The following ELMO2 variants were observed in gnomAD, a reference collection of about 807,000 sequenced individuals.
The protein encoded by ELMO2 is engulfment and cell motility protein 2.
Under a neutral mutation model 96.2 loss-of-function variants are expected in ELMO2, and 37 were observed. The observed-to-expected ratio is 0.38, with a 90% confidence interval of 0.30 to 0.51. The LOEUF is 0.51. Among genes scored for constraint, ELMO2 ranks in the 20% least tolerant of loss-of-function variants. The pLI is 0.88. For missense variants in ELMO2, 561 were observed against 912.6 expected, an observed-to-expected ratio of 0.61 and a Z score of 4.96; for synonymous variants, 315 against 329.4, an observed-to-expected ratio of 0.96 and a Z score of 0.47.
Position 46,381,088 on chromosome 20 carries a change from C to A in ELMO2, c.757-785G>T, listed in dbSNP as rs571038787. 1.5e-3 allele frequency among the ~76,000 whole-genome samples: 231 copies of A among 152,250 alleles called. 3 individuals carry two copies. The highest frequency in any genetic ancestry group is 4.7e-3 in the African/African-American group (196 of 41,540). On this transcript the variant is annotated intron_variant, in intron 10 of 21. Coordinates refer to ENST00000290246, the MANE Select transcript of ELMO2 (RefSeq NM_133171.5). ...GAAGTGACTACAGTGATAATTTAAT[C>A]ACTGCTAAGGAGTCGGCTTCATCAA...
At position 46,389,194 on chromosome 20, in the gene ELMO2, C is replaced by T; in HGVS notation, c.270G>A (p.Glu90=). 6.2e-7 allele frequency: 1 copy of T among 1,614,120 alleles called. No individual in the cohort carries two copies. ...SPSRAARQLM[E]RTQSSNMETR... ...TCTCCATGTTGGATGACTGGGTCCT[C>T]TCCATCAGCTGGCGTGCAGCCCGGG... The change falls in exon 7 of 22, where the codon GAG becomes GAA. Residue 90 remains glutamate (E), a synonymous_variant. Coordinates refer to ENST00000290246, the MANE Select transcript of ELMO2 (RefSeq NM_133171.5).
rs1452763332 is a variant in ELMO2 at position 46,383,310 on chromosome 20, C to T, written c.756+106G>A. The T allele has an allele frequency of 4.1e-6, 5 of 1,233,182 alleles. No homozygotes were observed. In the East Asian group the frequency reaches 1.2e-4, roughly 29 times the overall value. The allele number at this position is 1,233,182 out of a possible 1,614,324, so 76.4% of individuals were successfully genotyped here. A position where few individuals can be genotyped will look rare whatever the true frequency, so the allele number is the denominator to read the frequency against. ...GACCAGACAGCTAAGAGGAAGAACT[C>T]TTGGGAAAATTGCTGGATTTGTGCT... On this transcript the variant is annotated intron_variant, in intron 10 of 21. Transcript: ENST00000290246.
chr20:46,393,110 G>GT lies in ELMO2; in HGVS notation c.225dup (p.Gln76ThrfsTer44). 6.2e-7 allele frequency: 1 copy of GT among 1,614,064 alleles called. No individual in the cohort carries two copies. The highest frequency in any genetic ancestry group is 8.5e-7 in the Non-Finnish European group (1 of 1,179,922). Reference sequence around the variant, plus strand: ...ATACCTACCGGGGAGATAGCCAGTTGTAAGATTGTCCCATTCTTAATGTCA... The same window carrying GT: ...ATACCTACCGGGGAGATAGCCAGTTGTTAAGATTGTCCCATTCTTAATGTCA... On this transcript the variant is annotated frameshift_variant, in exon 6 of 22. Coordinates refer to ENST00000290246, the MANE Select transcript of ELMO2 (RefSeq NM_133171.5). LOFTEE classifies it high-confidence loss of function.
rs1314977945 is a variant in ELMO2, at chr20:46,376,570, A to G, written c.808-780T>C. ...TGTCTCTGTCTTTCTCTTGCATGCT[A>G]TGTCTCCCTCGGTCTGTCCTAGCTG... is the stretch of plus-strand genomic sequence containing the variant. On this transcript the variant is annotated intron_variant, in intron 11 of 21. Transcript: ENST00000290246. 12 of 1,246,586 alleles carry G rather than the reference A, an allele frequency of 9.6e-6. No homozygotes were observed. The East Asian group carries it at 2.8e-4, about 29-fold the overall frequency. The allele number at this position is 1,246,586 out of a possible 1,614,324, so 77.2% of individuals were successfully genotyped here.
chr20:46,378,648 A>G (rs985956638), intron 11 of ELMO2, among the ~76,000 whole-genome samples: 1 of 152,022 alleles, frequency 6.6e-6, no homozygotes, highest in Admixed American at 6.5e-5. Flanking sequence ...AGTCTGGCAG[A>G]CTCTGCATTT....
intron 16 of ELMO2, chr20:46,373,133 G>A (rs1186104455): frequency 2.2e-6 from 1 of 446,576 alleles, no homozygotes; most frequent in African/African-American, 2.0e-5. Context: ...TTATCCTCCT[G>A]ACCTCTCTGG....
chr20:46,397,879 C>G (rs1307045896), intron 2 of ELMO2, among the ~76,000 whole-genome samples: 3 of 152,194 alleles, frequency 2.0e-5, no homozygotes, highest in African/African-American at 7.2e-5. Context: ...CCATAAATAT[C>G]TAAATGAACT....
At chr20:46,387,459 C>T (rs2060066917) in intron 7 of ELMO2, 22 bp from the exon 8 acceptor site, 16 of 1,590,770 alleles carry the variant, frequency 1.0e-5, no homozygotes, top group Non-Finnish European at 1.4e-5. Context: ...GCAACACACA[C>T]ACAAAATAGA....
At chr20:46,367,811 A>G (rs2297056) in intron 21 of ELMO2, among the ~76,000 whole-genome samples, 20,749 of 152,126 alleles carry the variant, frequency 0.14, 2,220 homozygotes, top group African/African-American at 0.3. Context: ...AAAATGCAAT[A>G]AACGAATACA....
chr20:46,386,087 C>T, intron 9 of ELMO2, 37 bp downstream of exon 9: 1 of 1,598,072 alleles, frequency 6.3e-7, no homozygotes. Flanking sequence ...AGAGGACAGA[C>T]AAGTGAAGGG....
At chr20:46,376,535 T>C (rs576440322) in intron 11 of ELMO2, among the ~76,000 whole-genome samples, 2 of 152,250 alleles carry the variant, frequency 1.3e-5, no homozygotes, top group African/African-American at 4.8e-5. Context: ...CCTGGTCCTG[T>C]CTCATGTTCT....
intron 15 of ELMO2, 140 bp from the exon 16 acceptor site, chr20:46,373,675 C>T (rs2059782783): frequency 3.9e-6 from 4 of 1,022,928 alleles, no homozygotes; most frequent in Non-Finnish European, 4.2e-6. Context: ...GTGGGATGGG[C>T]GTTTCTCACG....
rs1019814084 is a variant in ELMO2 at position 46,366,203 on chromosome 20, G to A, written c.*1157C>T. 6.6e-6 allele frequency: 1 copy of A among 152,592 alleles called. No individual in the cohort carries two copies. Among genetic ancestry groups the A allele is most frequent in the African/African-American group, 2.4e-5 (1 of 41,418 alleles). The allele number at this position is 152,592 out of a possible 1,614,324, so 9.5% of individuals were successfully genotyped here. A position where few individuals can be genotyped will look rare whatever the true frequency, so the allele number is the denominator to read the frequency against. On this transcript the variant is annotated 3_prime_UTR_variant, in exon 22 of 22. Transcript: ENST00000290246. ...TCCCCAAGGTTCCATCCTAAGATAG[G>A]TAGATCTTATATAAATATATATACA...
At chr20:46,394,882 C>A (rs1164919101) in intron 2 of ELMO2, among the ~76,000 whole-genome samples, 1 of 152,210 alleles carries the variant, frequency 6.6e-6, no homozygotes, top group African/African-American at 2.4e-5. Context: ...TGCTCCGAGA[C>A]AGATAAGAAT....
At chr20:46,384,123 G>T (rs970387971) in intron 9 of ELMO2, among the ~76,000 whole-genome samples, 13 of 152,170 alleles carry the variant, frequency 8.5e-5, no homozygotes, top group African/African-American at 2.7e-4. Context: ...TTAAAAATAT[G>T]CATAAAAATA....
At chr20:46,370,416 G>T in intron 20 of ELMO2, 27 bp downstream of exon 20, 1 of 1,606,316 alleles carries the variant, frequency 6.2e-7, no homozygotes, top group Non-Finnish European at 8.5e-7. Context: ...CACTGGGCCA[G>T]CTACTCAAAC....
chr20:46,371,712 A>G lies in ELMO2; in HGVS notation c.1581-21T>C, dbSNP rs1469538314. 3 of 1,613,786 alleles carry G rather than the reference A, an allele frequency of 1.9e-6. No homozygotes were observed. The highest frequency in any genetic ancestry group is 3.3e-5 in the Admixed American group (2 of 60,012). On this transcript the variant is annotated intron_variant, in intron 17 of 21. Coordinates refer to ENST00000290246, the MANE Select transcript of ELMO2 (RefSeq NM_133171.5). The surrounding 1 kb of genome is among the most constrained non-coding windows in gnomAD (Gnocchi z 5.9). ...GCTCCCTGGGGTGGACACACACTGG[A>G]GTGAGCGGAAGGTCATGGGGACAGT...
intron 9 of ELMO2, among the ~76,000 whole-genome samples, chr20:46,384,808 A>C (rs373389799): frequency 6.6e-6 from 1 of 151,932 alleles, no homozygotes; most frequent in Non-Finnish European, 1.5e-5. Context: ...AAATAAAAAA[A>C]AAAAAAAAAC....
At chr20:46,382,718 G>GA (rs2145805487) in intron 10 of ELMO2, among the ~76,000 whole-genome samples, 1 of 152,300 alleles carries the variant, frequency 6.6e-6, no homozygotes, top group South Asian at 2.1e-4. Context: ...CCTTATTTGT[G>GA]AAACAGGGAT....
Sources: allele counts gnomAD v4.1 joint callset (sites outside exome capture counted in the v4.1 genomes callset), GRCh38; gene constraint gnomAD v4.1.1; non-coding constraint Gnocchi (gnomAD v3.1); transcripts MANE v1.5; gene names NCBI Gene and HGNC (gene_info 2026-07-23, HGNC 2026-07-21).